ZBTB16: variants seen among roughly 807,000 people sequenced by gnomAD.
The protein encoded by ZBTB16 is zinc finger and BTB domain containing 16, also known as zinc finger and BTB domain-containing protein 16.
In ZBTB16, 8 loss-of-function variants were observed where a neutral mutation model predicts 56.8. That is an observed-to-expected ratio of 0.14 (90% confidence interval 0.08 to 0.25). The LOEUF (loss-of-function observed/expected upper bound fraction) is 0.25. Among genes scored for constraint, ZBTB16 ranks in the 10% least tolerant of loss-of-function variants. The pLI is 1.00. For synonymous variants in ZBTB16, 363 were observed against 368.5 expected, an observed-to-expected ratio of 0.98 and a Z score of 0.17; for missense variants, 625 against 903.0, an observed-to-expected ratio of 0.69 and a Z score of 3.95.
At chr11:114,145,567 A>G (rs887481433) in intron 2 of ZBTB16, among the ~76,000 whole-genome samples, 1 of 152,236 alleles carries the variant, frequency 6.6e-6, no homozygotes. Context: ...GATACCATTT[A>G]TATGAAATGT....
chr11:114,151,373 A>G lies in ZBTB16; in HGVS notation c.1269-4964A>G, dbSNP rs1942274730. On this transcript the variant is annotated intron_variant, in intron 2 of 6. Coordinates refer to ENST00000335953, the MANE Select transcript of ZBTB16 (RefSeq NM_006006.6). ...TGGCTCAGTTAGGCTGAAAACAAGG[A>G]CAACATCGTCTTATAAATGCCCTTA... 2.0e-5 allele frequency among the ~76,000 whole-genome samples: 3 copies of G among 152,178 alleles called. No homozygotes were observed. In the South Asian group the frequency reaches 6.2e-4, roughly 31 times the overall value.
rs983151284 is a variant in ZBTB16 at position 114,253,138 on chromosome 11, A to G, written c.*2583A>G. ...ACTGGCTGGCCCTCAGGGGATCTGT[A>G]AATCCCAGAAAACAGTATTTTTAAC... On this transcript the variant is annotated 3_prime_UTR_variant, in exon 7 of 7. Transcript: ENST00000335953. Among the ~76,000 whole-genome samples the G allele has an allele frequency of 6.6e-6, 1 of 152,100 alleles. No homozygotes were observed. The highest frequency in any genetic ancestry group is 1.5e-5 in the Non-Finnish European group (1 of 68,030).
chr11:114,108,798 A>G (rs1176410945), intron 2 of ZBTB16, among the ~76,000 whole-genome samples: 1 of 152,250 alleles, frequency 6.6e-6, no homozygotes, highest in African/African-American at 2.4e-5. Flanking sequence ...TGTTCAGCTC[A>G]TGCTTTTAAG....
At chr11:114,137,183 A>AC (rs1256394259) in intron 2 of ZBTB16, among the ~76,000 whole-genome samples, 2 of 152,198 alleles carry the variant, frequency 1.3e-5, no homozygotes, top group Admixed American at 6.5e-5. Flanking sequence ...CCTTTGGAGT[A>AC]CATTGTTCAG....
Position 114,252,774 on chromosome 11 carries a change from G to A in ZBTB16, c.*2219G>A, listed in dbSNP as rs1008746076. On this transcript the variant is annotated 3_prime_UTR_variant, in exon 7 of 7. Coordinates refer to ENST00000335953, the MANE Select transcript of ZBTB16 (RefSeq NM_006006.6). ...AAGCCGGAGGGATGGGTGCTGCTGC[G>A]ACGACCCCCCCGTCCCTCGGCCCCA... Among the ~76,000 whole-genome samples the A allele has an allele frequency of 4.6e-5, 7 of 152,078 alleles. No homozygotes were observed. The highest frequency in any genetic ancestry group is 1.5e-4 in the African/African-American group (6 of 41,378).
intron 4 of ZBTB16, among the ~76,000 whole-genome samples, chr11:114,212,149 G>T (rs1944010783): frequency 6.6e-6 from 1 of 152,060 alleles, no homozygotes; most frequent in African/African-American, 2.4e-5. Context: ...AGGGGGGATG[G>T]GGAGGGGGGA....
At chr11:114,101,593 C>A (rs1190135013) in intron 2 of ZBTB16, among the ~76,000 whole-genome samples, 1 of 152,140 alleles carries the variant, frequency 6.6e-6, no homozygotes, top group African/African-American at 2.4e-5. Flanking sequence ...ACAGCTTGGC[C>A]ACTTTTAAAA....
At chr11:114,193,378 A>G (rs1315350151) in intron 4 of ZBTB16, among the ~76,000 whole-genome samples, 2 of 152,172 alleles carry the variant, frequency 1.3e-5, no homozygotes, top group African/African-American at 2.4e-5. Context: ...GAGCTCCCCC[A>G]GCAGGGAAGA....
chr11:114,242,811 G>C (rs1056121204), intron 5 of ZBTB16, among the ~76,000 whole-genome samples: 1 of 152,306 alleles, frequency 6.6e-6, no homozygotes, highest in Admixed American at 6.5e-5. Flanking sequence ...GGGCTTCTGA[G>C]GGCAAGTTGA....
intron 4 of ZBTB16, among the ~76,000 whole-genome samples, chr11:114,230,885 C>A (rs1200371141): frequency 6.6e-6 from 1 of 152,150 alleles, no homozygotes; most frequent in Non-Finnish European, 1.5e-5. Context: ...CTGTCTCTCT[C>A]TCTTTTCTGT....
At position 114,256,033 on chromosome 11, in the gene ZBTB16, TTG is replaced by T. The variant is rs1491435014; in HGVS notation, c.*5480_*5481del. ...CTTGGTTTTGTTTTGTTTTTTTTTT[TTG>T]TTTTTTTTGCCTTTTCTTGTGTGGG... On this transcript the variant is annotated 3_prime_UTR_variant, in exon 7 of 7. Coordinates refer to ENST00000335953, the MANE Select transcript of ZBTB16 (RefSeq NM_006006.6). Among the ~76,000 whole-genome samples, 663 of 119,772 alleles carry T rather than the reference TTG, an allele frequency of 5.5e-3. 10 individuals are homozygous for T. The highest frequency in any genetic ancestry group is 0.017 in the African/African-American group (598 of 34,694). 78.6% of individuals were successfully genotyped at this position (119,772 alleles called of 152,430 possible). A position where few individuals can be genotyped will look rare whatever the true frequency, so the allele number is the denominator to read the frequency against.
intron 2 of ZBTB16, among the ~76,000 whole-genome samples, chr11:114,076,562 C>T (rs1017834140): frequency 6.6e-6 from 1 of 152,206 alleles, no homozygotes; most frequent in Non-Finnish European, 1.5e-5. Context: ...CAGTTGTCCC[C>T]TAAATGATCT....
At position 114,064,332 on chromosome 11, in the gene ZBTB16, T is replaced by C; in HGVS notation, c.1032T>C (p.Ala344=). 1 of 1,614,084 alleles carries C rather than the reference T, an allele frequency of 6.2e-7. No individual in the cohort carries two copies. The highest frequency in any genetic ancestry group is 1.3e-5 in the African/African-American group (1 of 75,062). Residue 344 remains alanine (A), a synonymous_variant, in exon 2 of 7, where the codon GCT becomes GCC. Transcript: ENST00000335953. The surrounding 1 kb of genome is among the most constrained non-coding windows in gnomAD (Gnocchi z 4.2). ...TGTTGCCCAACCACAAGGCTGACGC[T>C]GTATTGAGCATGCCGTCTTCCGTGA... The part of the protein sequence containing the change: ...YSVLPNHKAD[A]VLSMPSSVTS...
chr11:114,246,957 T>C (rs1002985256), intron 5 of ZBTB16: 6 of 567,666 alleles, frequency 1.1e-5, no homozygotes, highest in Non-Finnish European at 1.9e-5. Flanking sequence ...AAATGGGCTC[T>C]CTTTCCCAGG....
At chr11:114,177,411 C>T (rs550857983) in intron 3 of ZBTB16, among the ~76,000 whole-genome samples, 52 of 152,214 alleles carry the variant, frequency 3.4e-4, no homozygotes, top group African/African-American at 1.1e-3. Context: ...CCACCATGCC[C>T]GGCTAATTTT....
intron 4 of ZBTB16, among the ~76,000 whole-genome samples, chr11:114,194,821 A>G (rs1943571473): frequency 6.6e-6 from 1 of 152,236 alleles, no homozygotes; most frequent in Non-Finnish European, 1.5e-5. Flanking sequence ...TTAAGTCCAG[A>G]TAAACTGATA....
chr11:114,147,368 TAAAGGA>T (rs1257338326), intron 2 of ZBTB16, among the ~76,000 whole-genome samples: 1 of 152,154 alleles, frequency 6.6e-6, no homozygotes, highest in African/African-American at 2.4e-5. Flanking sequence ...AACAAGGAGA[TAAAGGA>T]AAAGTCTGTA....
intron 2 of ZBTB16, among the ~76,000 whole-genome samples, chr11:114,069,308 A>G (rs1159859219): frequency 2.0e-5 from 3 of 151,644 alleles, no homozygotes; most frequent in Non-Finnish European, 2.9e-5. Flanking sequence ...TATGGTCTCG[A>G]TCTCCTGAAC....
chr11:114,198,049 C>A (rs1055527949), intron 4 of ZBTB16, among the ~76,000 whole-genome samples: 30 of 151,778 alleles, frequency 2.0e-4, no homozygotes, highest in Non-Finnish European at 2.5e-4. Flanking sequence ...TCCAAACGAA[C>A]CTCAAACCTC....
Sources: gnomAD v4.1 joint callset for allele counts (sites outside exome capture counted in the v4.1 genomes callset) on GRCh38, gnomAD v4.1.1 for gene constraint, Gnocchi (gnomAD v3.1) non-coding constraint, MANE v1.5 for transcripts, NCBI Gene and HGNC (gene_info 2026-07-23, HGNC 2026-07-21) for gene names.